Variants in NEXMIF observed in about 807,000 individuals in gnomAD.
NEXMIF encodes neurite extension and migration factor, also known as XLMR protein related to neurite extension.
In NEXMIF, 8 loss-of-function variants were observed where a neutral mutation model predicts 62.1. That is an observed-to-expected ratio of 0.13 (90% CI 0.08 to 0.23). The LOEUF is 0.23. Ranked by LOEUF, NEXMIF falls within the 10% of genes least tolerant of loss-of-function variation. NEXMIF has a pLI of 1.00. For synonymous variants in NEXMIF, 404 were observed against 416.6 expected, an observed-to-expected ratio of 0.97 and a Z score of 0.37; for missense variants, 976 against 1,113.3, an observed-to-expected ratio of 0.88 and a Z score of 1.75.
rs746961444 is a variant in NEXMIF, at chrX:74,802,107, C to T, written c.-47-56410G>A. On this transcript the variant is annotated intron_variant, in intron 1 of 3. Transcript: ENST00000055682. Reference sequence around the variant, plus strand: ...AGTCCCTGGCACCTGTACAGCACCTCTGGACCTGCCTGGGTCCTGTGGGGA... The same window carrying T: ...AGTCCCTGGCACCTGTACAGCACCTTTGGACCTGCCTGGGTCCTGTGGGGA... Among the ~76,000 whole-genome samples the T allele has an allele frequency of 8.0e-5, 9 of 112,347 alleles. No homozygotes were observed. In the South Asian group the frequency reaches 1.9e-3, roughly 23 times the overall value.
At chrX:74,885,490 A>G (rs1343501864) in intron 1 of NEXMIF, among the ~76,000 whole-genome samples, 1 of 111,974 alleles carries the variant, frequency 8.9e-6, no homozygotes, top group Non-Finnish European at 1.9e-5. Context: ...ACAGAAATAC[A>G]AACTACCATC....
At chrX:74,829,365 GT>G (rs1328991606) in intron 1 of NEXMIF, among the ~76,000 whole-genome samples, 1 of 112,118 alleles carries the variant, frequency 8.9e-6, no homozygotes, top group Non-Finnish European at 1.9e-5. Flanking sequence ...CATCTACGTT[GT>G]TGCAAATGGC....
chrX:74,831,590 T>C (rs892100570), intron 1 of NEXMIF, among the ~76,000 whole-genome samples: 2 of 110,638 alleles, frequency 1.8e-5, no homozygotes, highest in Non-Finnish European at 3.8e-5. Context: ...ATCCAGTCTA[T>C]CGTTGTTGGA....
At chrX:74,763,777 T>G (rs973833641) in intron 1 of NEXMIF, among the ~76,000 whole-genome samples, 5 of 111,456 alleles carry the variant, frequency 4.5e-5, no homozygotes, top group Non-Finnish European at 7.5e-5. Context: ...TTTGTCTGTT[T>G]TTGGTGTATA....
intron 2 of NEXMIF, among the ~76,000 whole-genome samples, chrX:74,744,911 C>CTCTCT (rs1556016941): frequency 6.5e-5 from 4 of 61,602 alleles, no homozygotes; most frequent in African/African-American, 9.8e-5. Flanking sequence ...CTCTCTCTCT[C>CTCTCT]TCTCTCTCTT....
chrX:74,819,464 A>G (rs2080387298), intron 1 of NEXMIF, among the ~76,000 whole-genome samples: 1 of 112,339 alleles, frequency 8.9e-6, no homozygotes, highest in African/African-American at 3.2e-5. Flanking sequence ...TCCAGAATCT[A>G]CAAAGAACTT....
chrX:74,864,332 C>T (rs886887165), intron 1 of NEXMIF, among the ~76,000 whole-genome samples: 11 of 111,976 alleles, frequency 9.8e-5, no homozygotes, highest in Admixed American at 5.7e-4. Flanking sequence ...AAAACCCCAT[C>T]GTCTCAGCCC....
chrX:74,888,278 T>G (rs2080704492), intron 1 of NEXMIF, among the ~76,000 whole-genome samples: 1 of 104,245 alleles, frequency 9.6e-6, no homozygotes, highest in Non-Finnish European at 2.0e-5. Flanking sequence ...ACCCTAAAAC[T>G]TAAAGTATAA....
At chrX:74,748,880 A>C in intron 1 of NEXMIF, among the ~76,000 whole-genome samples, 1 of 111,916 alleles carries the variant, frequency 8.9e-6, no homozygotes, top group South Asian at 3.8e-4. Flanking sequence ...GCAAGAAAGT[A>C]AGTCCTGTTT....
At chrX:74,892,255 T>C (rs1408457631) in intron 1 of NEXMIF, among the ~76,000 whole-genome samples, 1 of 112,214 alleles carries the variant, frequency 8.9e-6, no homozygotes, top group Non-Finnish European at 1.9e-5. Context: ...CAATTTCTCT[T>C]TAACCTGGGC....
rs780266055 is a variant in NEXMIF, at chrX:74,742,424, C to T, written c.2133G>A (p.Gly711=). The part of the protein sequence containing the change: ...KVKAQDTEFK[G]PERKVLNKIK... Reference sequence around the variant, plus strand: ...TTTTATTGAGCACTTTCCTCTCTGGCCCCTTAAACTCTGTGTCTTGGGCTT... The same window carrying T: ...TTTTATTGAGCACTTTCCTCTCTGGTCCCTTAAACTCTGTGTCTTGGGCTT... Residue 711 remains glycine, a synonymous_variant, in exon 3 of 4, where the codon GGG becomes GGA. Transcript: ENST00000055682. 3.3e-6 allele frequency: 4 copies of T among 1,209,448 alleles called. No homozygotes were observed. Among genetic ancestry groups the T allele is most frequent in the Middle Eastern group, 2.3e-4 (1 of 4,352 alleles).
intron 1 of NEXMIF, among the ~76,000 whole-genome samples, chrX:74,767,325 C>T (rs908891271): frequency 3.3e-4 from 37 of 112,722 alleles, no homozygotes; most frequent in African/African-American, 1.2e-3. Flanking sequence ...TTTTCCAGCA[C>T]CTAAGGTATC....
chrX:74,794,740 C>T (rs2080300271), intron 1 of NEXMIF, among the ~76,000 whole-genome samples: 2 of 111,542 alleles, frequency 1.8e-5, no homozygotes, highest in Non-Finnish European at 1.9e-5. Flanking sequence ...CCCGATTTTC[C>T]AGGTGCCGTC....
chrX:74,767,551 C>T (rs1270220379), intron 1 of NEXMIF, among the ~76,000 whole-genome samples: 1 of 111,553 alleles, frequency 9.0e-6, no homozygotes, highest in Non-Finnish European at 1.9e-5. Flanking sequence ...TGTACTGTGG[C>T]AGTTGACTGC....
intron 1 of NEXMIF, among the ~76,000 whole-genome samples, chrX:74,883,803 A>G (rs1336380710): frequency 2.7e-5 from 3 of 111,506 alleles, no homozygotes; most frequent in African/African-American, 9.8e-5. Flanking sequence ...GAACGCCACA[A>G]AGATACTCCT....
chrX:74,793,294 A>T (rs1277764232), intron 1 of NEXMIF, among the ~76,000 whole-genome samples: 3 of 110,087 alleles, frequency 2.7e-5, no homozygotes, highest in Admixed American at 9.7e-5. Flanking sequence ...AAGCATGTTG[A>T]ATATTGGCCC....
At chrX:74,875,732 T>C (rs1429918152) in intron 1 of NEXMIF, among the ~76,000 whole-genome samples, 1 of 112,073 alleles carries the variant, frequency 8.9e-6, no homozygotes, top group Non-Finnish European at 1.9e-5. Flanking sequence ...GGAGAGTGTA[T>C]GTGTCCAGAA....
chrX:74,768,377 C>T (rs1261962519), intron 1 of NEXMIF, among the ~76,000 whole-genome samples: 1 of 112,173 alleles, frequency 8.9e-6, no homozygotes, highest in African/African-American at 3.2e-5. Flanking sequence ...CTTGCCACTT[C>T]TCTCCATGAA....
intron 1 of NEXMIF, among the ~76,000 whole-genome samples, chrX:74,899,942 G>A (rs1182590088): frequency 1.8e-5 from 2 of 111,709 alleles, no homozygotes; most frequent in Admixed American, 9.5e-5. Context: ...CATATATCTG[G>A]TAAAGTATTA....
Sources: gnomAD v4.1 joint callset for allele counts (sites outside exome capture counted in the v4.1 genomes callset) on GRCh38, gnomAD v4.1.1 for gene constraint, MANE v1.5 for transcripts, NCBI Gene and HGNC (gene_info 2026-07-23, HGNC 2026-07-21) for gene names.